KIAA0753: variants seen among roughly 807,000 people sequenced by gnomAD.
KIAA0753 encodes KIAA0753.
Under a neutral mutation model 116.9 loss-of-function variants are expected in KIAA0753, and 114 were observed. The ratio of observed to expected loss-of-function variants is 0.98; its 90% confidence interval spans 0.84 to 1.14. KIAA0753 has a LOEUF of 1.14. KIAA0753 is among the 50% of genes most tolerant of loss of function. KIAA0753 has a pLI of 0.00. For missense variants in KIAA0753, 1,156 were observed against 1,172.4 expected (o/e 0.99, Z 0.20); for synonymous variants, 405 against 413.1 (o/e 0.98, Z 0.24).
At chr17:6,589,712 C>A in intron 18 of KIAA0753, 67 bp downstream of exon 18, 1 of 1,242,188 alleles carries the variant, frequency 8.1e-7, no homozygotes, top group Non-Finnish European at 1.1e-6. Context: ...ATGCTTTCTC[C>A]AGCTTTTTCT....
At chr17:6,599,479 A>C (rs1210453764) in intron 13 of KIAA0753, among the ~76,000 whole-genome samples, 159 bp from the exon 14 acceptor site, 1 of 152,256 alleles carries the variant, frequency 6.6e-6, no homozygotes, top group Non-Finnish European at 1.5e-5. Flanking sequence ...CTTCATGGAA[A>C]CAAATGCCAT....
intron 4 of KIAA0753, chr17:6,623,955 G>A: frequency 6.2e-6 from 1 of 161,042 alleles, no homozygotes; most frequent in Non-Finnish European, 1.3e-5. Context: ...GGTCTGACAT[G>A]GTAAGATTCA....
In KIAA0753 at chr17:6,611,922, C is replaced by A; in HGVS notation, c.1542G>T (p.Gln514His). The A allele has an allele frequency of 1.9e-6, 3 of 1,611,878 alleles. No homozygotes were observed. The highest frequency in any genetic ancestry group is 2.2e-5 in the South Asian group (2 of 91,006). The change falls in exon 8 of 19, where the codon CAG (glutamine) becomes CAT (histidine). Residue 514 changes from glutamine (Q) to histidine (H), a missense_variant. Gln to His is a conservative substitution (Grantham distance 24). Coordinates refer to ENST00000361413, the MANE Select transcript of KIAA0753 (RefSeq NM_014804.3). Reference protein sequence around the residue: ...RKKDTLAPARQQGLRKAERGR... With the variant: ...RKKDTLAPARHQGLRKAERGR... ...AAAGAGAGGAATGATTTCATACTTGCTGTCTTGCTGGCGCCAGAGTATCTT... is the reference window on the plus strand; with the variant it reads ...AAAGAGAGGAATGATTTCATACTTGATGTCTTGCTGGCGCCAGAGTATCTT...
chr17:6,609,399 T>C (rs1487212010), intron 9 of KIAA0753, among the ~76,000 whole-genome samples: 1 of 152,228 alleles, frequency 6.6e-6, no homozygotes, highest in Non-Finnish European at 1.5e-5. Flanking sequence ...AACTGGACCC[T>C]GCTCCTCTTC....
chr17:6,581,713 T>A (rs1294984112), intron 18 of KIAA0753, among the ~76,000 whole-genome samples: 4 of 152,244 alleles, frequency 2.6e-5, no homozygotes, highest in Non-Finnish European at 5.9e-5. Flanking sequence ...TTATAGATTT[T>A]TATTTTATTG....
At chr17:6,607,540 T>C (rs1314451166) in intron 10 of KIAA0753, among the ~76,000 whole-genome samples, 1 of 152,204 alleles carries the variant, frequency 6.6e-6, no homozygotes, top group Admixed American at 6.5e-5. Flanking sequence ...GGGTTTCTTA[T>C]TAGACTCAAA....
chr17:6,590,035 A>C (rs1597466537), intron 17 of KIAA0753, 32 bp from the exon 18 acceptor site: 1 of 1,462,280 alleles, frequency 6.8e-7, no homozygotes, highest in East Asian at 2.3e-5. Context: ...GAAAGCATTC[A>C]AGATCATCTG....
chr17:6,592,074 T>C (rs1255694401), intron 16 of KIAA0753, among the ~76,000 whole-genome samples: 4 of 152,226 alleles, frequency 2.6e-5, no homozygotes, highest in Non-Finnish European at 5.9e-5. Context: ...AGTAGGATCA[T>C]TGAGCCTGGC....
At chr17:6,624,310 A>G (rs1178237782) in intron 4 of KIAA0753, among the ~76,000 whole-genome samples, 1 of 152,178 alleles carries the variant, frequency 6.6e-6, no homozygotes, top group East Asian at 1.9e-4. Flanking sequence ...GCTTCTATAC[A>G]TTATAAACAT....
chr17:6,605,654 T>C (rs1446173287), intron 12 of KIAA0753, among the ~76,000 whole-genome samples: 2 of 152,014 alleles, frequency 1.3e-5, no homozygotes, highest in Admixed American at 6.6e-5. Flanking sequence ...AGTTGACAGA[T>C]TTATGAAGAA....
At chr17:6,615,614 CAAAAAAAAAA>C (rs60310389) in intron 7 of KIAA0753, among the ~76,000 whole-genome samples, 21 of 58,764 alleles carry the variant, frequency 3.6e-4, no homozygotes, top group African/African-American at 1.1e-3. Flanking sequence ...GACTCCGTCT[CAAAAAAAAAA>C]AAAAAAAAAA....
chr17:6,625,795 C>T (rs574313987), intron 3 of KIAA0753, among the ~76,000 whole-genome samples: 8 of 152,180 alleles, frequency 5.3e-5, no homozygotes, highest in African/African-American at 1.4e-4. Context: ...CTCCACCTCC[C>T]GGGTCAAGTG....
intron 3 of KIAA0753, 76 bp downstream of exon 3, chr17:6,628,041 G>C (rs1191928070): frequency 1.5e-6 from 2 of 1,373,214 alleles, no homozygotes; most frequent in Admixed American, 4.2e-5. Context: ...TAGGGGTTGA[G>C]GGTCCTCAAG....
At chr17:6,580,819 C>T (rs1165466350) in intron 18 of KIAA0753, among the ~76,000 whole-genome samples, 1 of 151,760 alleles carries the variant, frequency 6.6e-6, no homozygotes, top group Non-Finnish European at 1.5e-5. Context: ...GCTGCCTGAC[C>T]GGCCGACGGA....
In KIAA0753 at chr17:6,596,318, T is replaced by C. The variant is rs1231225420; in HGVS notation, c.2198A>G (p.Asn733Ser). Residue 733 changes from asparagine to serine, a missense_variant, in exon 15 of 19, where the codon AAC becomes AGC. By Grantham distance (46) the Asn-to-Ser change is conservative. Coordinates refer to ENST00000361413, the MANE Select transcript of KIAA0753 (RefSeq NM_014804.3). Reference sequence around the variant, plus strand: ...AAAATCATCAAGCTGACGAATGTTGTTGGATTCAAAATCAACAGCTGCAAC... The same window carrying C: ...AAAATCATCAAGCTGACGAATGTTGCTGGATTCAAAATCAACAGCTGCAAC... ...QEVAAVDFES[N>S]NIRQLDDFLE... The C allele has an allele frequency of 1.9e-6, 3 of 1,613,566 alleles. No homozygotes were observed. Among genetic ancestry groups the C allele is most frequent in the South Asian group, 1.1e-5 (1 of 91,050 alleles).
At chr17:6,590,418 T>C in intron 17 of KIAA0753, 92 bp downstream of exon 17, 2 of 1,470,464 alleles carry the variant, frequency 1.4e-6, no homozygotes, top group Non-Finnish European at 1.9e-6. Context: ...GAAGAATTTC[T>C]GTCTGTCTTA....
chr17:6,585,943 T>A (rs1372524210), intron 18 of KIAA0753, among the ~76,000 whole-genome samples: 2 of 152,218 alleles, frequency 1.3e-5, no homozygotes, highest in Admixed American at 1.3e-4. Context: ...CATCTATTGA[T>A]ACAGTTTGTA....
In KIAA0753 at chr17:6,623,028, G is replaced by A. The variant is rs775543251; in HGVS notation, c.958C>T (p.Gln320Ter). Residue 320 changes from glutamine (Q) to a stop codon, truncating the protein, a stop_gained, in exon 6 of 19, where the codon CAG becomes TAG. Coordinates refer to ENST00000361413, the MANE Select transcript of KIAA0753 (RefSeq NM_014804.3). LOFTEE classifies it high-confidence loss of function. ...GGATGCTCCCCTCGGTCAGTAAACT[G>A]AGTGACAAACATCTGTAAGGCCCGA... ...AIRALQMFVT[Q>*]FTDRGEHPLP... is the part of the protein sequence containing the mutation. 1 of 1,614,144 alleles carries A rather than the reference G, an allele frequency of 6.2e-7. No homozygotes were observed. The highest frequency in any genetic ancestry group is 2.2e-5 in the East Asian group (1 of 44,888).
At chr17:6,611,461 T>A (rs1334853516) in intron 8 of KIAA0753, among the ~76,000 whole-genome samples, 4 of 152,024 alleles carry the variant, frequency 2.6e-5, no homozygotes, top group Non-Finnish European at 4.4e-5. Context: ...TTACCACATC[T>A]GGCTAATTTT....
Sources: allele counts gnomAD v4.1 joint callset (sites outside exome capture counted in the v4.1 genomes callset), GRCh38; gene constraint gnomAD v4.1.1; transcripts MANE v1.5; gene names NCBI Gene and HGNC (gene_info 2026-07-23, HGNC 2026-07-21).